The following GPATCH2 variants were observed in gnomAD, a reference collection of about 807,000 sequenced individuals.
The protein encoded by GPATCH2 is G patch domain-containing protein 2.
Under a neutral mutation model 58.0 loss-of-function variants are expected in GPATCH2, and 51 were observed. That is an observed-to-expected ratio of 0.88 (90% CI 0.70 to 1.11). The LOEUF is 1.11. Among genes scored for constraint, GPATCH2 ranks in the 50% most tolerant of loss-of-function variants. The pLI, the probability that GPATCH2 is intolerant of heterozygous loss-of-function variation, is 0.00. For missense variants in GPATCH2, 625 were observed against 652.2 expected (o/e 0.96, Z 0.45); for synonymous variants, 222 against 218.5 (o/e 1.02, Z -0.14).
chr1:217,558,214 CCT>C (rs1665737400), intron 5 of GPATCH2, among the ~76,000 whole-genome samples: 1 of 152,138 alleles, frequency 6.6e-6, no homozygotes, highest in Admixed American at 6.6e-5. Context: ...GCTAATGTCA[CCT>C]CATCTGTACA....
chr1:217,579,618 A>G (rs1046709822), intron 5 of GPATCH2, among the ~76,000 whole-genome samples: 8 of 152,204 alleles, frequency 5.3e-5, no homozygotes, highest in African/African-American at 1.9e-4. Context: ...CAACCTATAG[A>G]TGAATGCCAA....
chr1:217,528,336 T>C (rs182751257), intron 5 of GPATCH2, among the ~76,000 whole-genome samples: 505 of 152,314 alleles, frequency 3.3e-3, no homozygotes, highest in Non-Finnish European at 5.4e-3. Flanking sequence ...AACGTTTTCA[T>C]GTATTAAATT....
chr1:217,498,575 G>T, intron 6 of GPATCH2, 180 bp from the exon 7 acceptor site: 1 of 622,876 alleles, frequency 1.6e-6, no homozygotes, highest in Non-Finnish European at 2.9e-6. Flanking sequence ...AACTGTAAAA[G>T]TGCTCATAAC....
intron 5 of GPATCH2, among the ~76,000 whole-genome samples, chr1:217,559,054 T>C (rs1665791823): frequency 6.6e-6 from 1 of 152,118 alleles, no homozygotes; most frequent in African/African-American, 2.4e-5. Flanking sequence ...GCCTCAGGAA[T>C]ATGTATAATA....
chr1:217,465,410 C>T (rs1324156730), intron 8 of GPATCH2, among the ~76,000 whole-genome samples: 2 of 152,066 alleles, frequency 1.3e-5, no homozygotes, highest in Non-Finnish European at 2.9e-5. Context: ...AATTGGAGAA[C>T]ATCTTGAAAT....
At chr1:217,579,502 A>G (rs539888752) in intron 5 of GPATCH2, among the ~76,000 whole-genome samples, 2 of 152,186 alleles carry the variant, frequency 1.3e-5, no homozygotes, top group Non-Finnish European at 2.9e-5. Context: ...AATGAAAGAT[A>G]TATTTTAATT....
chr1:217,568,495 T>G (rs1004577711), intron 5 of GPATCH2, among the ~76,000 whole-genome samples: 1 of 150,936 alleles, frequency 6.6e-6, no homozygotes, highest in Admixed American at 6.6e-5. Flanking sequence ...AGCAAAAAAG[T>G]GAAATTGAGA....
At chr1:217,534,210 T>C (rs1352054834) in intron 5 of GPATCH2, among the ~76,000 whole-genome samples, 3 of 152,114 alleles carry the variant, frequency 2.0e-5, no homozygotes, top group African/African-American at 7.2e-5. Context: ...AACGAGACCC[T>C]GTCTCAAAAA....
At chr1:217,611,571 TA>T (rs1384859970) in intron 3 of GPATCH2, among the ~76,000 whole-genome samples, 6 of 152,158 alleles carry the variant, frequency 3.9e-5, no homozygotes, top group Admixed American at 3.9e-4. Context: ...AAACAAACCT[TA>T]ATCTGCTCCT....
chr1:217,532,970 C>T (rs1304613759), intron 5 of GPATCH2, among the ~76,000 whole-genome samples: 1 of 145,738 alleles, frequency 6.9e-6, no homozygotes, highest in East Asian at 2.0e-4. Context: ...GCCATCATAG[C>T]TCACTGCAGC....
chr1:217,462,226 A>G (rs1232673482), intron 8 of GPATCH2, among the ~76,000 whole-genome samples: 1 of 152,192 alleles, frequency 6.6e-6, no homozygotes, highest in African/African-American at 2.4e-5. Flanking sequence ...ATTAACTTCA[A>G]ATATAAACTG....
chr1:217,544,846 A>C (rs1044570139), intron 5 of GPATCH2, among the ~76,000 whole-genome samples: 1 of 152,230 alleles, frequency 6.6e-6, no homozygotes, highest in Non-Finnish European at 1.5e-5. Context: ...CTGAAACTGT[A>C]AACTTAACTC....
intron 8 of GPATCH2, among the ~76,000 whole-genome samples, chr1:217,455,877 G>C (rs1195276899): frequency 6.6e-6 from 1 of 152,050 alleles, no homozygotes; most frequent in Admixed American, 6.6e-5. Context: ...ACAGACAAAA[G>C]AGCAGAAGCA....
intron 5 of GPATCH2, among the ~76,000 whole-genome samples, chr1:217,583,564 C>T (rs188405532): frequency 0.02 from 2,364 of 117,004 alleles, 37 homozygotes; most frequent in Middle Eastern, 0.12. Flanking sequence ...GAGCAAGACT[C>T]TGTCTCAAAA....
intron 9 of GPATCH2, among the ~76,000 whole-genome samples, chr1:217,445,766 T>A (rs1229736691): frequency 6.6e-6 from 1 of 152,134 alleles, no homozygotes; most frequent in Non-Finnish European, 1.5e-5. Flanking sequence ...CTGTCACAAT[T>A]AATAAATGTT....
At chr1:217,514,519 C>A (rs577294055) in intron 6 of GPATCH2, among the ~76,000 whole-genome samples, 10 of 152,042 alleles carry the variant, frequency 6.6e-5, no homozygotes, top group African/African-American at 2.4e-4. Flanking sequence ...TGGAGGAGTA[C>A]GAAAGCTTGA....
At chr1:217,511,549 G>A (rs879317755) in intron 6 of GPATCH2, among the ~76,000 whole-genome samples, 9 of 152,166 alleles carry the variant, frequency 5.9e-5, no homozygotes, top group Admixed American at 5.9e-4. Context: ...TCAGGGAGCA[G>A]GAGGAATGAA....
chr1:217,546,285 G>GA (rs1468509139), intron 5 of GPATCH2, among the ~76,000 whole-genome samples: 3 of 151,936 alleles, frequency 2.0e-5, no homozygotes, highest in East Asian at 1.9e-4. Context: ...CACAGAACTA[G>GA]AAAAAAACTA....
chr1:217,461,751 G>T (rs1660209760), intron 8 of GPATCH2, among the ~76,000 whole-genome samples: 1 of 152,088 alleles, frequency 6.6e-6, no homozygotes, highest in African/African-American at 2.4e-5. Context: ...AGTTTTTACA[G>T]TATATGCATG....
Sources: gnomAD v4.1 joint callset for allele counts (sites outside exome capture counted in the v4.1 genomes callset) on GRCh38, gnomAD v4.1.1 for gene constraint, MANE v1.5 for transcripts, NCBI Gene and HGNC (gene_info 2026-07-23, HGNC 2026-07-21) for gene names.